The following PUDP variants were observed in gnomAD, a reference collection of about 807,000 sequenced individuals.
The protein encoded by PUDP is pseudouridine 5'-phosphatase, also known as pseudouridine-5'-phosphatase.
PUDP carries 8 observed loss-of-function variants against 9.4 expected under a neutral mutation model. That is an observed-to-expected ratio of 0.85 (90% CI 0.50 to 1.53). The LOEUF is 1.53. PUDP is among the 40% of genes most tolerant of loss of function. The probability of loss-of-function intolerance (pLI) is 0.00; values close to 1 mark genes in which losing one functional copy is unlikely to be tolerated. For missense variants in PUDP, 188 were observed against 189.7 expected (o/e 0.99, Z 0.05); for synonymous variants, 99 against 80.7 (o/e 1.23, Z -1.22).
chrX:6,921,355 G>A (rs1928020682), intron 3 of PUDP, among the ~76,000 whole-genome samples: 1 of 109,782 alleles, frequency 9.1e-6, no homozygotes, highest in Non-Finnish European at 1.9e-5. Context: ...CTGCACTCCA[G>A]CCTAGGCAAC....
intron 3 of PUDP, chrX:7,057,813 T>TG: frequency 8.7e-7 from 1 of 1,146,199 alleles, no homozygotes; most frequent in Non-Finnish European, 1.2e-6. Context: ...ACGAGGTCTA[T>TG]GGATGGAGCT....
chrX:6,917,512 G>A (rs1486774573), intron 3 of PUDP, among the ~76,000 whole-genome samples: 1 of 111,808 alleles, frequency 8.9e-6, no homozygotes, highest in African/African-American at 3.2e-5. Flanking sequence ...AGTTGAAGAC[G>A]TCAAGTCAGA....
intron 1 of PUDP, among the ~76,000 whole-genome samples, chrX:7,041,682 G>C (rs776643133): frequency 2.3e-3 from 253 of 111,857 alleles, no homozygotes; most frequent in Non-Finnish European, 3.9e-3. Context: ...TGTAGTGACA[G>C]ACCCATGTCT....
At chrX:6,897,892 C>T (rs776077839) in intron 3 of PUDP, among the ~76,000 whole-genome samples, 7 of 111,708 alleles carry the variant, frequency 6.3e-5, no homozygotes, top group African/African-American at 2.0e-4. Context: ...GGGACACCGA[C>T]GCTCAGAGCA....
intron 3 of PUDP, among the ~76,000 whole-genome samples, chrX:6,973,158 G>C (rs1269211455): frequency 1.8e-5 from 2 of 111,582 alleles, no homozygotes; most frequent in Admixed American, 1.9e-4. Flanking sequence ...CAAAAAACAA[G>C]CTCCTGGATT....
intron 1 of PUDP, among the ~76,000 whole-genome samples, chrX:7,136,896 G>A (rs1932753581): frequency 9.0e-6 from 1 of 111,592 alleles, no homozygotes; most frequent in African/African-American, 3.3e-5. Flanking sequence ...TTTGGGTGAA[G>A]TAGATTTACA....
At chrX:6,988,418 C>T (rs1260435292) in intron 1 of PUDP, among the ~76,000 whole-genome samples, 1 of 111,962 alleles carries the variant, frequency 8.9e-6, no homozygotes, top group African/African-American at 3.3e-5. Flanking sequence ...TAACCGGGTG[C>T]AGGGAGAAGA....
intron 3 of PUDP, among the ~76,000 whole-genome samples, chrX:6,867,108 ATGCTTCCACC>A: frequency 9.0e-6 from 1 of 111,294 alleles, no homozygotes; most frequent in South Asian, 3.8e-4. Flanking sequence ...CCTATACTGA[ATGCTTCCACC>A]AAGTTTTCCA....
intron 1 of PUDP, among the ~76,000 whole-genome samples, chrX:6,983,663 TC>T (rs777633025): frequency 1.8e-5 from 2 of 111,800 alleles, no homozygotes; most frequent in South Asian, 3.8e-4. Flanking sequence ...TTAAATTCCT[TC>T]CCAAAGCCAG....
rs1042157210 is a variant in PUDP, at chrX:7,105,841, G to A, written c.62-3C>T. 2.6e-6 allele frequency: 3 copies of A among 1,153,899 alleles called. No homozygotes were observed. Among genetic ancestry groups the A allele is most frequent in the Admixed American group, 2.5e-5 (1 of 40,360 alleles). On this transcript the variant is annotated splice_region_variant and splice_polypyrimidine_tract_variant and intron_variant, in intron 1 of 3. Coordinates refer to ENST00000381077, the MANE Select transcript of PUDP (RefSeq NM_012080.5). ...CACTGAATACAGCCGTTCAGTATCTGCAGGAAAAAAAAAAGAGATTTTTAG... is the reference window on the plus strand; with the variant it reads ...CACTGAATACAGCCGTTCAGTATCTACAGGAAAAAAAAAAGAGATTTTTAG...
intron 3 of PUDP, among the ~76,000 whole-genome samples, chrX:6,857,643 AG>A (rs1192731880): frequency 9.0e-6 from 1 of 111,403 alleles, no homozygotes; most frequent in African/African-American, 3.3e-5. Context: ...TACGTTGTCC[AG>A]GCTGCTCTTG....
intron 1 of PUDP, among the ~76,000 whole-genome samples, chrX:7,121,088 C>G (rs150599832): frequency 9.0e-6 from 1 of 111,567 alleles, no homozygotes; most frequent in Non-Finnish European, 1.9e-5. Context: ...ACTGGTCACA[C>G]AGTATACTTT....
At chrX:7,091,965 T>G (rs371282857) in intron 2 of PUDP, among the ~76,000 whole-genome samples, 3 of 112,605 alleles carry the variant, frequency 2.7e-5, no homozygotes, top group East Asian at 2.8e-4. Flanking sequence ...TCTACGTGAT[T>G]AAACAATGTA....
intron 3 of PUDP, among the ~76,000 whole-genome samples, chrX:6,898,100 C>T (rs1320486380): frequency 2.7e-5 from 3 of 112,005 alleles, no homozygotes; most frequent in African/African-American, 9.7e-5. Context: ...CTTCCTTCTG[C>T]TGTCACAGCC....
intron 1 of PUDP, among the ~76,000 whole-genome samples, chrX:7,029,231 A>C (rs1284423601): frequency 8.9e-6 from 1 of 111,860 alleles, no homozygotes; most frequent in Non-Finnish European, 1.9e-5. Flanking sequence ...GGGAAGCCAA[A>C]AGATTGGACT....
At chrX:6,911,982 GTAT>G (rs750102962) in intron 3 of PUDP, among the ~76,000 whole-genome samples, 1 of 111,338 alleles carries the variant, frequency 9.0e-6, no homozygotes, top group Non-Finnish European at 1.9e-5. Flanking sequence ...TTTTCTGAGA[GTAT>G]TATATTAAAA....
chrX:7,059,814 A>G (rs1930349455), intron 3 of PUDP, among the ~76,000 whole-genome samples: 1 of 112,190 alleles, frequency 8.9e-6, no homozygotes, highest in African/African-American at 3.2e-5. Flanking sequence ...GGCTTCCCCA[A>G]ACAGGATTAT....
chrX:7,075,997 C>T (rs777187628), intron 3 of PUDP, among the ~76,000 whole-genome samples: 1 of 110,812 alleles, frequency 9.0e-6, no homozygotes, highest in Non-Finnish European at 1.9e-5. Context: ...CTGGGCTAAC[C>T]GTAGGAGTCA....
At position 6,986,924 on chromosome X, in the gene PUDP, C is replaced by G. The variant is rs1274942578; in HGVS notation, c.205-8581G>C. Among the ~76,000 whole-genome samples, 3 of 112,283 alleles carry G rather than the reference C, an allele frequency of 2.7e-5. No individual in the cohort carries two copies. In the Admixed American group the frequency reaches 2.8e-4, roughly 11 times the overall value. On this transcript the variant is annotated intron_variant and NMD_transcript_variant, in intron 1 of 3. Transcript: ENST00000655425. ...GCAGAATTTCATTGCCAATCTCAGA[C>G]CTGTTAAGTTGCTTCATGCAAATTA...
Sources: allele counts gnomAD v4.1 joint callset (sites outside exome capture counted in the v4.1 genomes callset), GRCh38; gene constraint gnomAD v4.1.1; transcripts MANE v1.5; gene names NCBI Gene and HGNC (gene_info 2026-07-23, HGNC 2026-07-21).